The following SLC41A2 variants were observed in gnomAD, a reference collection of about 807,000 sequenced individuals.
The protein encoded by SLC41A2 is SLC41A1-like 1.
Under a neutral mutation model 58.3 loss-of-function variants are expected in SLC41A2, and 32 were observed. The observed-to-expected ratio is 0.55, with a 90% confidence interval of 0.41 to 0.74. The LOEUF (loss-of-function observed/expected upper bound fraction) is 0.74. Ranked by LOEUF, SLC41A2 falls within the 30% of genes least tolerant of loss-of-function variation. SLC41A2 has a pLI of 0.00. For synonymous variants in SLC41A2, 190 were observed against 235.0 expected, an observed-to-expected ratio of 0.81 and a Z score of 1.75; for missense variants, 514 against 680.6, an observed-to-expected ratio of 0.76 and a Z score of 2.72.
intron 7 of SLC41A2, 71 bp downstream of exon 7, chr12:104,866,361 C>T (rs2043444102): frequency 7.0e-7 from 1 of 1,419,922 alleles, no homozygotes; most frequent in African/African-American, 1.6e-5. Flanking sequence ...TTATAGAAGA[C>T]ACACAAAGAC....
chr12:104,934,834 A>C (rs985653572), intron 1 of SLC41A2, among the ~76,000 whole-genome samples: 1 of 152,236 alleles, frequency 6.6e-6, no homozygotes, highest in Non-Finnish European at 1.5e-5. Flanking sequence ...GATCTCTTAG[A>C]AACAGAGAGT....
intron 4 of SLC41A2, among the ~76,000 whole-genome samples, chr12:104,894,782 C>T (rs77203491): frequency 0.012 from 1,885 of 152,216 alleles, 51 homozygotes; most frequent in African/African-American, 0.043. Context: ...AGATTATACA[C>T]GATCTACAGT....
chr12:104,850,221 TA>T (rs2042748960), intron 8 of SLC41A2, among the ~76,000 whole-genome samples: 1 of 152,234 alleles, frequency 6.6e-6, no homozygotes, highest in African/African-American at 2.4e-5. Flanking sequence ...GTGATGAAAC[TA>T]CATTGTTTTT....
At chr12:104,805,420 T>C (rs1446528157) in intron 10 of SLC41A2, 83 bp from the exon 11 acceptor site, 7 of 1,163,206 alleles carry the variant, frequency 6.0e-6, no homozygotes, top group Non-Finnish European at 8.4e-6. Context: ...AACCACTGGC[T>C]TCTGGAAGGG....
At chr12:104,814,057 T>C (rs187421789) in intron 10 of SLC41A2, among the ~76,000 whole-genome samples, 2 of 152,342 alleles carry the variant, frequency 1.3e-5, no homozygotes, top group East Asian at 1.9e-4. Flanking sequence ...TATTTATGTA[T>C]GTATATGTTT....
chr12:104,866,275 T>G (rs920014656), intron 7 of SLC41A2, among the ~76,000 whole-genome samples, 157 bp downstream of exon 7: 1 of 152,104 alleles, frequency 6.6e-6, no homozygotes, highest in Non-Finnish European at 1.5e-5. Flanking sequence ...GAATAATGAA[T>G]TGGCTATATA....
chr12:104,902,906 C>T (rs77679913), intron 3 of SLC41A2, among the ~76,000 whole-genome samples: 2,215 of 152,174 alleles, frequency 0.015, 32 homozygotes, highest in Middle Eastern at 0.048. Context: ...AGTTTTCTAC[C>T]CAGCAAACTT....
intron 4 of SLC41A2, among the ~76,000 whole-genome samples, chr12:104,890,916 G>A (rs958088909): frequency 7.0e-4 from 106 of 152,274 alleles, no homozygotes; most frequent in African/African-American, 2.1e-3. Flanking sequence ...TGTGGGCCTC[G>A]TCTGTGCTTT....
chr12:104,906,748 C>G (rs901803035), intron 3 of SLC41A2, among the ~76,000 whole-genome samples: 1 of 152,088 alleles, frequency 6.6e-6, no homozygotes, highest in Non-Finnish European at 1.5e-5. Context: ...TAACGACGAA[C>G]GCATTTAACA....
chr12:104,909,516 A>G, intron 3 of SLC41A2, 139 bp downstream of exon 3: 1 of 591,578 alleles, frequency 1.7e-6, no homozygotes, highest in Non-Finnish European at 2.9e-6. Context: ...TCAGAATATG[A>G]TATCAGGCAT....
At chr12:104,854,360 A>G (rs946443502) in intron 8 of SLC41A2, among the ~76,000 whole-genome samples, 46 of 152,080 alleles carry the variant, frequency 3.0e-4, no homozygotes, top group African/African-American at 9.6e-4. Context: ...TCAGGAGATC[A>G]AGACCATCCT....
chr12:104,901,978 T>A (rs956638949), intron 3 of SLC41A2, among the ~76,000 whole-genome samples: 12 of 152,148 alleles, frequency 7.9e-5, no homozygotes, highest in Non-Finnish European at 1.2e-4. Flanking sequence ...CCTCAGATAA[T>A]CATAAAAATG....
rs79545796 is a variant in SLC41A2, at chr12:104,819,091, C to T, written c.1537-13754G>A. On this transcript the variant is annotated intron_variant, in intron 10 of 10. Transcript: ENST00000258538. ...TTAGAAAATATACTTTTTTTTCAAACGCATAGGTAATATTCATAAAAACTG... is the reference window on the plus strand; with the variant it reads ...TTAGAAAATATACTTTTTTTTCAAATGCATAGGTAATATTCATAAAAACTG... Among the ~76,000 whole-genome samples, 1,375 of 151,568 alleles carry T rather than the reference C, an allele frequency of 9.1e-3. 24 individuals are homozygous for T. Among genetic ancestry groups the T allele is most frequent in the African/African-American group, 0.031 (1,276 of 41,358 alleles).
rs146546492 is a variant in SLC41A2, at chr12:104,808,535, T to G, written c.1537-3198A>C. ...ATATTGGTCTAAAATTCTCTTTTTTTGTTGTGTCTCTGCCCAGCTTTGGTA... is the reference window on the plus strand; with the variant it reads ...ATATTGGTCTAAAATTCTCTTTTTTGGTTGTGTCTCTGCCCAGCTTTGGTA... On this transcript the variant is annotated intron_variant, in intron 10 of 10. Coordinates refer to ENST00000258538, the MANE Select transcript of SLC41A2 (RefSeq NM_001352171.3). Among the ~76,000 whole-genome samples, 470 of 152,276 alleles carry G rather than the reference T, an allele frequency of 3.1e-3. 3 individuals are homozygous for G. The highest frequency in any genetic ancestry group is 7.9e-3 in the Admixed American group (121 of 15,286).
intron 10 of SLC41A2, among the ~76,000 whole-genome samples, chr12:104,841,957 T>C (rs1216545822): frequency 1.3e-5 from 2 of 152,070 alleles, no homozygotes; most frequent in African/African-American, 2.4e-5. Flanking sequence ...AACTGCACTA[T>C]AGAATATCCA....
At chr12:104,942,585 T>C (rs2047555318) in intron 1 of SLC41A2, among the ~76,000 whole-genome samples, 2 of 152,152 alleles carry the variant, frequency 1.3e-5, no homozygotes, top group African/African-American at 4.8e-5. Context: ...CACAGGAACG[T>C]TTATTTAGAA....
intron 3 of SLC41A2, among the ~76,000 whole-genome samples, chr12:104,902,970 G>A (rs184596761): frequency 1.3e-5 from 2 of 152,258 alleles, no homozygotes; most frequent in Admixed American, 1.3e-4. Context: ...AATATACCAT[G>A]TTATCATAAC....
At chr12:104,892,282 C>A (rs1402979338) in intron 4 of SLC41A2, among the ~76,000 whole-genome samples, 2 of 138,628 alleles carry the variant, frequency 1.4e-5, no homozygotes, top group African/African-American at 3.1e-5. Context: ...GGCAACAGAA[C>A]AAGACCTCAT....
At chr12:104,819,719 T>A (rs2041551369) in intron 10 of SLC41A2, among the ~76,000 whole-genome samples, 1 of 152,220 alleles carries the variant, frequency 6.6e-6, no homozygotes, top group South Asian at 2.1e-4. Flanking sequence ...AGAGCTATAA[T>A]TCTCAGACTC....
Sources: allele counts gnomAD v4.1 joint callset (sites outside exome capture counted in the v4.1 genomes callset), GRCh38; gene constraint gnomAD v4.1.1; transcripts MANE v1.5; gene names NCBI Gene and HGNC (gene_info 2026-07-23, HGNC 2026-07-21).